The following FMN1 variants were observed in gnomAD, a reference collection of about 807,000 sequenced individuals.
FMN1 encodes formin 1.
A neutral mutation model predicts 132.4 loss-of-function variants in FMN1; 110 were observed. The ratio of observed to expected loss-of-function variants is 0.83; its 90% confidence interval spans 0.71 to 0.97. The LOEUF (loss-of-function observed/expected upper bound fraction) is 0.97. Among genes scored for constraint, FMN1 ranks in the 50% least tolerant of loss-of-function variants. FMN1 has a pLI of 0.00. For missense variants in FMN1, 1,792 were observed against 1,705.3 expected (o/e 1.05, Z -0.90); for synonymous variants, 722 against 651.7 (o/e 1.11, Z -1.64).
At position 32,824,091 on chromosome 15, in the gene FMN1, G is replaced by A. The variant is rs147307853; in HGVS notation, c.3929-19759C>T. 2.6e-3 allele frequency among the ~76,000 whole-genome samples: 403 copies of A among 152,366 alleles called. 2 individuals are homozygous for A. Among genetic ancestry groups the A allele is most frequent in the African/African-American group, 9.4e-3 (390 of 41,588 alleles). ...ACATGGACTTGGGGATGGCAGCAAT[G>A]CCACCAGCAACAGATAGTGTAATGT... On this transcript the variant is annotated intron_variant, in intron 17 of 20. Coordinates refer to ENST00000616417, the MANE Select transcript of FMN1 (RefSeq NM_001277313.2).
Position 32,863,207 on chromosome 15 carries a change from G to A in FMN1, c.3836-6100C>T, listed in dbSNP as rs1022535929. Reference sequence around the variant, plus strand: ...GCCTGTAATCCCAGCACTTTGGGAGGCCGAGGCGGGCGGATCACGAGGTCA... The same window carrying A: ...GCCTGTAATCCCAGCACTTTGGGAGACCGAGGCGGGCGGATCACGAGGTCA... On this transcript the variant is annotated intron_variant, in intron 16 of 20. Transcript: ENST00000616417. 2.0e-5 allele frequency among the ~76,000 whole-genome samples: 3 copies of A among 152,172 alleles called. No homozygotes were observed. The East Asian group carries it at 5.8e-4, about 29-fold the overall frequency.
chr15:32,862,664 G>GT (rs2059298150), intron 16 of FMN1, among the ~76,000 whole-genome samples: 1 of 152,212 alleles, frequency 6.6e-6, no homozygotes. Context: ...TTAGAAAAAT[G>GT]TAGCAGTAAG....
At chr15:33,006,156 G>C (rs1403827090) in intron 7 of FMN1, among the ~76,000 whole-genome samples, 1 of 151,862 alleles carries the variant, frequency 6.6e-6, no homozygotes, top group South Asian at 2.1e-4. Flanking sequence ...TCTGATAAGG[G>C]GTTAATATAC....
chr15:33,077,371 T>A (rs8031983), intron 5 of FMN1, among the ~76,000 whole-genome samples: 3,851 of 32,644 alleles, frequency 0.12, 96 homozygotes, highest in South Asian at 0.4. Context: ...ATATATATAT[T>A]TTTTTTATTA....
chr15:32,833,803 A>T (rs1244333693), intron 17 of FMN1, among the ~76,000 whole-genome samples: 1 of 152,222 alleles, frequency 6.6e-6, no homozygotes, highest in Admixed American at 6.5e-5. Flanking sequence ...AAGGGCTTAA[A>T]CACATTAAAG....
chr15:32,890,212 G>T (rs2059993878), intron 15 of FMN1, among the ~76,000 whole-genome samples: 2 of 152,166 alleles, frequency 1.3e-5, no homozygotes, highest in Non-Finnish European at 2.9e-5. Context: ...TTGCAATTGT[G>T]AACTGTGCTG....
chr15:33,141,208 T>C (rs1595558543), intron 4 of FMN1, among the ~76,000 whole-genome samples: 1 of 152,194 alleles, frequency 6.6e-6, no homozygotes, highest in Non-Finnish European at 1.5e-5. Flanking sequence ...ATCTTCATTA[T>C]GTTTTGTGCC....
intron 15 of FMN1, among the ~76,000 whole-genome samples, chr15:32,891,311 G>A (rs931671194): frequency 2.0e-4 from 30 of 152,070 alleles, no homozygotes; most frequent in African/African-American, 6.3e-4. Context: ...GCAGTGATGC[G>A]ATGTTGGCTC....
At chr15:33,161,043 T>C (rs1278183584) in intron 3 of FMN1, among the ~76,000 whole-genome samples, 1 of 152,268 alleles carries the variant, frequency 6.6e-6, no homozygotes, top group Non-Finnish European at 1.5e-5. Flanking sequence ...TTCTGTCTGC[T>C]GACGGCAGAC....
At chr15:32,891,317 G>A (rs2060023826) in intron 15 of FMN1, among the ~76,000 whole-genome samples, 1 of 152,148 alleles carries the variant, frequency 6.6e-6, no homozygotes. Flanking sequence ...ATGCGATGTT[G>A]GCTCATTGCA....
intron 4 of FMN1, among the ~76,000 whole-genome samples, chr15:33,124,930 A>G (rs1304592980): frequency 6.6e-6 from 1 of 151,646 alleles, no homozygotes; most frequent in Non-Finnish European, 1.5e-5. Context: ...ACTATGTGCC[A>G]CTCCCCTCCA....
chr15:33,006,167 A>C (rs1395112396), intron 7 of FMN1, among the ~76,000 whole-genome samples: 1 of 152,220 alleles, frequency 6.6e-6, no homozygotes, highest in African/African-American at 2.4e-5. Context: ...GTTAATATAC[A>C]AAAAATATTT....
At chr15:33,024,938 CATT>C (rs1051993305) in intron 6 of FMN1, among the ~76,000 whole-genome samples, 14 of 152,054 alleles carry the variant, frequency 9.2e-5, no homozygotes, top group Non-Finnish European at 1.0e-4. Context: ...ATCTAACAAA[CATT>C]ATTTTGAGAG....
At chr15:32,842,629 A>G (rs548529362) in intron 17 of FMN1, among the ~76,000 whole-genome samples, 1 of 152,356 alleles carries the variant, frequency 6.6e-6, no homozygotes, top group East Asian at 1.9e-4. Context: ...AGAAAGCCCT[A>G]AACTAATAAT....
At chr15:32,932,031 G>C (rs1237582878) in intron 9 of FMN1, among the ~76,000 whole-genome samples, 2 of 152,068 alleles carry the variant, frequency 1.3e-5, no homozygotes, top group Non-Finnish European at 2.9e-5. Flanking sequence ...ATATTCATAT[G>C]TTGAACCTTC....
chr15:33,054,738 C>T (rs918214468), intron 6 of FMN1, among the ~76,000 whole-genome samples: 3 of 152,150 alleles, frequency 2.0e-5, no homozygotes, highest in Admixed American at 6.5e-5. Context: ...TCACAGCTTC[C>T]GGAAAATGCA....
chr15:33,125,375 GGTTA>G (rs1332307103), intron 4 of FMN1, among the ~76,000 whole-genome samples: 4 of 152,168 alleles, frequency 2.6e-5, no homozygotes, highest in African/African-American at 9.7e-5. Context: ...CAGTCTTGAA[GGTTA>G]GTTCTAGTTG....
chr15:32,867,427 G>A (rs531530594), intron 16 of FMN1, among the ~76,000 whole-genome samples: 1 of 152,096 alleles, frequency 6.6e-6, no homozygotes, highest in Non-Finnish European at 1.5e-5. Context: ...CTCCTGCTAT[G>A]CCACTCTCCT....
intron 4 of FMN1, among the ~76,000 whole-genome samples, chr15:33,125,350 T>A (rs1416659846): frequency 6.6e-6 from 1 of 152,186 alleles, no homozygotes; most frequent in East Asian, 1.9e-4. Flanking sequence ...AGGAAAATAG[T>A]TTCCTTTTAA....
Sources: allele counts gnomAD v4.1 joint callset (sites outside exome capture counted in the v4.1 genomes callset), GRCh38; gene constraint gnomAD v4.1.1; transcripts MANE v1.5; gene names NCBI Gene and HGNC (gene_info 2026-07-23, HGNC 2026-07-21).